REV3L: variants seen among roughly 807,000 people sequenced by gnomAD.
REV3L encodes DNA polymerase zeta catalytic subunit.
Under a neutral mutation model 299.4 loss-of-function variants are expected in REV3L, and 69 were observed. The ratio of observed to expected loss-of-function variants is 0.23; its 90% confidence interval spans 0.19 to 0.28. REV3L has a LOEUF of 0.28. Among genes scored for constraint, REV3L ranks in the 10% least tolerant of loss-of-function variants. The pLI, the probability that REV3L is intolerant of heterozygous loss-of-function variation, is 1.00. For synonymous variants in REV3L, 1,238 were observed against 1,271.4 expected (o/e 0.97, Z 0.56); for missense variants, 3,128 against 3,693.8 (o/e 0.85, Z 3.97).
chr6:111,474,583 A>G (rs1341423908), intron 1 of REV3L, among the ~76,000 whole-genome samples: 4 of 152,176 alleles, frequency 2.6e-5, no homozygotes, highest in African/African-American at 9.7e-5. Context: ...TCACCATGCT[A>G]TTTGTTCACA....
intron 28 of REV3L, 187 bp from the exon 29 acceptor site, chr6:111,311,446 C>A (rs1772965447): frequency 2.4e-6 from 1 of 420,690 alleles, no homozygotes; most frequent in South Asian, 7.6e-5. Context: ...AGAGAGCTTG[C>A]TATTTCTAAA....
intron 1 of REV3L, among the ~76,000 whole-genome samples, chr6:111,418,981 G>C (rs1352928821): frequency 6.6e-6 from 1 of 152,088 alleles, no homozygotes; most frequent in Non-Finnish European, 1.5e-5. Flanking sequence ...ACACATCCAC[G>C]AAAAAAGAGG....
chr6:111,406,381 G>C (rs1294419396), intron 3 of REV3L, among the ~76,000 whole-genome samples: 2 of 152,196 alleles, frequency 1.3e-5, no homozygotes, highest in East Asian at 3.8e-4. Flanking sequence ...GTAAGAGCAT[G>C]AAGAGCCTGT....
chr6:111,387,639 T>G (rs1003609598), intron 9 of REV3L, 126 bp downstream of exon 9: 1 of 859,630 alleles, frequency 1.2e-6, no homozygotes, highest in African/African-American at 1.7e-5. Context: ...TGGGAGAAAT[T>G]TTTGCTATAT....
chr6:111,452,263 T>C (rs1789637065), intron 1 of REV3L, among the ~76,000 whole-genome samples: 1 of 152,156 alleles, frequency 6.6e-6, no homozygotes, highest in South Asian at 2.1e-4. Context: ...CTGGAGCTAA[T>C]GCAAAATGGT....
intron 21 of REV3L, 70 bp from the exon 22 acceptor site, chr6:111,335,680 C>T (rs930352935): frequency 6.8e-7 from 1 of 1,471,780 alleles, no homozygotes; most frequent in African/African-American, 1.4e-5. Flanking sequence ...TACTTTTTTT[C>T]CTGCCAAAAA....
chr6:111,299,798 TA>T lies in REV3L; in HGVS notation c.*217del. 1 of 371,906 alleles carries T rather than the reference TA, an allele frequency of 2.7e-6. No individual in the cohort carries two copies. The highest frequency in any genetic ancestry group is 4.8e-5 in the East Asian group (1 of 20,944). The allele number at this position is 371,906 out of a possible 1,614,324, so 23.0% of individuals were successfully genotyped here. A position where few individuals can be genotyped will look rare whatever the true frequency, so the allele number is the denominator to read the frequency against. On this transcript the variant is annotated 3_prime_UTR_variant, in exon 32 of 32. Transcript: ENST00000368802. ...AACACCTGCATTATAAAACAATGTT[TA>T]AAAGGTGACAGAATGAGGAATTTGT...
intron 1 of REV3L, among the ~76,000 whole-genome samples, chr6:111,441,903 G>A (rs1035223791): frequency 6.6e-6 from 1 of 152,186 alleles, no homozygotes; most frequent in Non-Finnish European, 1.5e-5. Flanking sequence ...AGAAGATAAA[G>A]TGTTCTATAG....
chr6:111,436,146 A>T (rs1349145124), intron 1 of REV3L, among the ~76,000 whole-genome samples: 1 of 152,258 alleles, frequency 6.6e-6, no homozygotes, highest in Non-Finnish European at 1.5e-5. Context: ...TCAAAAAGAC[A>T]ATGAATAATG....
At chr6:111,371,982 A>T (rs1174833212) in intron 13 of REV3L, among the ~76,000 whole-genome samples, 1 of 152,198 alleles carries the variant, frequency 6.6e-6, no homozygotes, top group African/African-American at 2.4e-5. Context: ...GCACACCACC[A>T]TACCCAGCCA....
chr6:111,329,805 G>C lies in REV3L; in HGVS notation c.8035-67C>G, dbSNP rs17511328. The C allele has an allele frequency of 1.3e-3, 1,634 of 1,241,140 alleles. 2 individuals are homozygous for C. Among genetic ancestry groups the C allele is most frequent in the Non-Finnish European group, 1.6e-3 (1,440 of 873,908 alleles). 76.9% of individuals were successfully genotyped at this position (1,241,140 alleles called of 1,614,324 possible). ...ATAGATTTACATAATTAAGAAGGAA[G>C]CATAAAACATAATAATGGCCAACTG... On this transcript the variant is annotated intron_variant, in intron 24 of 31. Transcript: ENST00000368802.
chr6:111,357,346 G>T (rs998041464), intron 17 of REV3L, among the ~76,000 whole-genome samples: 1 of 152,058 alleles, frequency 6.6e-6, no homozygotes, highest in Non-Finnish European at 1.5e-5. Context: ...TTCAAATTTT[G>T]TATTTTCAGC....
intron 25 of REV3L, among the ~76,000 whole-genome samples, chr6:111,324,879 T>G (rs1582517175): frequency 7.5e-6 from 1 of 133,858 alleles, no homozygotes; most frequent in Admixed American, 7.5e-5. Flanking sequence ...TTTTTTTTTT[T>G]GAGATGGAGT....
chr6:111,403,299 C>G (rs17539385), intron 4 of REV3L, among the ~76,000 whole-genome samples: 4 of 152,168 alleles, frequency 2.6e-5, no homozygotes, highest in Non-Finnish European at 4.4e-5. Flanking sequence ...TGAAAATGTT[C>G]TGAATTTGTG....
In REV3L at chr6:111,367,271, A is replaced by G. The variant is rs1403695523; in HGVS notation, c.6517T>C (p.Cys2173Arg). The G allele has an allele frequency of 1.9e-6, 3 of 1,613,214 alleles. No individual in the cohort carries two copies. The highest frequency in any genetic ancestry group is 2.5e-6 in the Non-Finnish European group (3 of 1,179,828). The change falls in exon 14 of 32, where the codon TGC becomes CGC. Residue 2173 changes from cysteine (C) to arginine (R), a missense_variant. This residue lies in a region of REV3L where 2,409 missense variants were observed against 2,611.8 expected (regional missense o/e 0.92). Transcript: ENST00000368802. The stretch of plus-strand genomic sequence containing the variant: ...ACTAGAGGCTCTTGAGGCTCACTGC[A>G]GGGGCTTTTTTGTATACCATCTTTT... Reference protein sequence around the residue: ...PIKDGIQKSPCSEPQEPLVIS... With the variant: ...PIKDGIQKSPRSEPQEPLVIS...
chr6:111,465,112 T>C (rs1406647970), intron 1 of REV3L, among the ~76,000 whole-genome samples: 2 of 147,664 alleles, frequency 1.4e-5, no homozygotes, highest in Non-Finnish European at 3.0e-5. Context: ...GAGATGGAGT[T>C]TCTCTCTTGT....
intron 4 of REV3L, among the ~76,000 whole-genome samples, chr6:111,400,898 G>A (rs549444070): frequency 7.9e-5 from 12 of 152,256 alleles, no homozygotes; most frequent in African/African-American, 1.9e-4. Flanking sequence ...AGTATGTGAC[G>A]TATAAGGTGT....
chr6:111,322,463 C>CAA, intron 26 of REV3L, 106 bp downstream of exon 26: 1 of 803,438 alleles, frequency 1.2e-6, no homozygotes, highest in Non-Finnish European at 2.1e-6. Flanking sequence ...GGAAAGGACT[C>CAA]AGACAGAACT....
rs1236610117 is a variant in REV3L, at chr6:111,299,826, C to T, written c.*190G>A. ...AAGGTGACAGAATGAGGAATTTGTA[C>T]ATTGTAAGAAGTGAGCTATTCAGAG... On this transcript the variant is annotated 3_prime_UTR_variant, in exon 32 of 32. Coordinates refer to ENST00000368802, the MANE Select transcript of REV3L (RefSeq NM_001372078.1). 4.4e-6 allele frequency: 2 copies of T among 450,000 alleles called. No homozygotes were observed. The highest frequency in any genetic ancestry group is 7.6e-6 in the Non-Finnish European group (2 of 261,692). 27.9% of individuals were successfully genotyped at this position (450,000 alleles called of 1,614,324 possible).
Sources: allele counts gnomAD v4.1 joint callset (sites outside exome capture counted in the v4.1 genomes callset), GRCh38; gene constraint gnomAD v4.1.1; regional missense constraint gnomAD v4.1.1; transcripts MANE v1.5; gene names NCBI Gene and HGNC (gene_info 2026-07-23, HGNC 2026-07-21).